NECTIN3: variants seen among roughly 807,000 people sequenced by gnomAD.
NECTIN3 encodes nectin-3.
Under a neutral mutation model 49.4 loss-of-function variants are expected in NECTIN3, and 8 were observed. The ratio of observed to expected loss-of-function variants is 0.16; its 90% confidence interval spans 0.10 to 0.29. The LOEUF (loss-of-function observed/expected upper bound fraction) is 0.29. Ranked by LOEUF, NECTIN3 falls within the 10% of genes least tolerant of loss-of-function variation. NECTIN3 has a pLI of 1.00. For missense variants in NECTIN3, 581 were observed against 654.6 expected (o/e 0.89, Z 1.23); for synonymous variants, 277 against 241.1 (o/e 1.15, Z -1.38).
At chr3:111,151,260 A>AG (rs1317264955) in intron 7 of NECTIN3, among the ~76,000 whole-genome samples, 1 of 151,986 alleles carries the variant, frequency 6.6e-6, no homozygotes, top group Non-Finnish European at 1.5e-5. Context: ...TCCGATAAAC[A>AG]GGTTTTGAAT....
chr3:111,183,457 G>A (rs924773197), intron 7 of NECTIN3, among the ~76,000 whole-genome samples: 14 of 151,774 alleles, frequency 9.2e-5, no homozygotes, highest in East Asian at 3.9e-4. Context: ...GGTTAGAGGC[G>A]CCCGCCACCA....
At chr3:111,108,148 A>T (rs899051579) in intron 1 of NECTIN3, among the ~76,000 whole-genome samples, 3 of 152,146 alleles carry the variant, frequency 2.0e-5, no homozygotes, top group Admixed American at 2.0e-4. Context: ...TAAAAGATGA[A>T]AAATAAATCT....
rs2033820113 is a variant in NECTIN3 at position 111,118,807 on chromosome 3, T to A, written c.654T>A (p.Thr218=). 3 of 1,614,066 alleles carry A rather than the reference T, an allele frequency of 1.9e-6. No homozygotes were observed. Among genetic ancestry groups the A allele is most frequent in the Middle Eastern group, 1.6e-4 (1 of 6,062 alleles). ...GDLGEMESTT[T]SFPNETATII... ...TTGGTGAAATGGAATCCACTACAAC[T>A]TCTTTTCCAAATGAAACGGCAACGA... Residue 218 remains threonine, a synonymous_variant, in exon 3 of 6, where the codon ACT becomes ACA. Coordinates refer to ENST00000485303, the MANE Select transcript of NECTIN3 (RefSeq NM_015480.3).
chr3:111,149,459 ATGTGTG>A (rs56219611), intron 7 of NECTIN3, among the ~76,000 whole-genome samples: 6,920 of 128,318 alleles, frequency 0.054, 302 homozygotes, highest in African/African-American at 0.13. Flanking sequence ...TTCTGGTAGG[ATGTGTG>A]TGTGTGTGTG....
At chr3:111,168,492 A>G (rs995422592) in intron 7 of NECTIN3, among the ~76,000 whole-genome samples, 2 of 152,206 alleles carry the variant, frequency 1.3e-5, no homozygotes, top group African/African-American at 4.8e-5. Context: ...ACACACATAT[A>G]TATATAAATG....
rs2034588566 is a variant in NECTIN3, at chr3:111,136,713, T to C, written c.*2498T>C. ...TATTTGTACTATTTTTGGCCATATT[T>C]ATATTTATTTCTTTCATATGGTTTG... On this transcript the variant is annotated 3_prime_UTR_variant, in exon 6 of 6. Transcript: ENST00000485303. The C allele has an allele frequency of 8.7e-6, 8 of 918,340 alleles. No homozygotes were observed. Among genetic ancestry groups the C allele is most frequent in the Non-Finnish European group, 9.1e-6 (7 of 769,214 alleles). 56.9% of individuals were successfully genotyped at this position (918,340 alleles called of 1,614,324 possible).
At chr3:111,103,203 T>G (rs1300615052) in intron 1 of NECTIN3, among the ~76,000 whole-genome samples, 1 of 152,188 alleles carries the variant, frequency 6.6e-6, no homozygotes, top group Admixed American at 6.5e-5. Context: ...AGATTTTGAT[T>G]GGAATGTTGT....
intron 7 of NECTIN3, among the ~76,000 whole-genome samples, chr3:111,173,350 G>A (rs1185001310): frequency 6.6e-6 from 1 of 152,214 alleles, no homozygotes; most frequent in East Asian, 1.9e-4. Flanking sequence ...TCTTTTACCT[G>A]TAATCATACG....
At chr3:111,162,645 T>TTA (rs1023525368) in intron 7 of NECTIN3, among the ~76,000 whole-genome samples, 4 of 152,172 alleles carry the variant, frequency 2.6e-5, no homozygotes, top group African/African-American at 9.7e-5. Context: ...CACCAATTCA[T>TTA]TATATATATA....
chr3:111,193,296 T>C, intron 1 of NECTIN3: 1 of 1,535,854 alleles, frequency 6.5e-7, no homozygotes, highest in Non-Finnish European at 8.7e-7. Flanking sequence ...TCAAATGTGC[T>C]ACCAAGACCG....
chr3:111,170,810 G>A (rs2035420014), intron 7 of NECTIN3, among the ~76,000 whole-genome samples: 1 of 152,120 alleles, frequency 6.6e-6, no homozygotes, highest in African/African-American at 2.4e-5. Context: ...AACTAACTTA[G>A]CAGGGATTGC....
intron 3 of NECTIN3, among the ~76,000 whole-genome samples, chr3:111,119,261 A>G (rs959639847): frequency 6.6e-6 from 1 of 152,178 alleles, no homozygotes; most frequent in African/African-American, 2.4e-5. Flanking sequence ...AACAACTTCT[A>G]CATTCTAATT....
chr3:111,190,932 A>G (rs551096662), upstream of NECTIN3, among the ~76,000 whole-genome samples: 1 of 152,300 alleles, frequency 6.6e-6, no homozygotes, highest in African/African-American at 2.4e-5. Flanking sequence ...TTGACAGGCA[A>G]TGTTGACAAG....
downstream of NECTIN3, among the ~76,000 whole-genome samples, chr3:111,142,437 TAAGA>T (rs1175513082): frequency 6.6e-6 from 1 of 151,766 alleles, no homozygotes; most frequent in East Asian, 1.9e-4. Flanking sequence ...ATGTCCAAAT[TAAGA>T]TAGAAGGAAG....
chr3:111,086,841 A>T (rs947185723), intron 1 of NECTIN3, among the ~76,000 whole-genome samples: 1 of 152,118 alleles, frequency 6.6e-6, no homozygotes, highest in Admixed American at 6.5e-5. Flanking sequence ...TCTAATGCTG[A>T]GTCTTCCAAT....
At chr3:111,187,331 C>T (rs1294599891) in intron 7 of NECTIN3, among the ~76,000 whole-genome samples, 3 of 152,032 alleles carry the variant, frequency 2.0e-5, no homozygotes, top group East Asian at 3.9e-4. Context: ...TGAACTCAGG[C>T]GTTTGAGACT....
chr3:111,139,199 C>T (rs981129600), downstream of NECTIN3, among the ~76,000 whole-genome samples: 5 of 151,626 alleles, frequency 3.3e-5, no homozygotes, highest in African/African-American at 1.2e-4. Context: ...CATTATTACA[C>T]CAAAATTAAT....
At chr3:111,179,445 A>G (rs1255486354) in intron 7 of NECTIN3, among the ~76,000 whole-genome samples, 2 of 152,188 alleles carry the variant, frequency 1.3e-5, no homozygotes, top group African/African-American at 4.8e-5. Context: ...GTGTTTACTG[A>G]GCACCTACTC....
intron 1 of NECTIN3, chr3:111,072,417 C>T: frequency 6.6e-7 from 1 of 1,524,540 alleles, no homozygotes; most frequent in Non-Finnish European, 8.8e-7. Flanking sequence ...GGTCGCCGTG[C>T]GGATGGCCGA....
Sources: allele counts gnomAD v4.1 joint callset (sites outside exome capture counted in the v4.1 genomes callset), GRCh38; gene constraint gnomAD v4.1.1; transcripts MANE v1.5; gene names NCBI Gene and HGNC (gene_info 2026-07-23, HGNC 2026-07-21).